PAPPA: variants seen among roughly 807,000 people sequenced by gnomAD.
PAPPA encodes the protein pappalysin-1.
A neutral mutation model predicts 164.0 loss-of-function variants in PAPPA; 60 were observed. That is an observed-to-expected ratio of 0.37 (90% confidence interval 0.30 to 0.45). PAPPA has a LOEUF of 0.45. Among genes scored for constraint, PAPPA ranks in the 20% least tolerant of loss-of-function variants. The pLI is 1.00. For missense variants in PAPPA, 1,782 were observed against 2,087.3 expected, an observed-to-expected ratio of 0.85 and a Z score of 2.85; for synonymous variants, 875 against 814.1, an observed-to-expected ratio of 1.07 and a Z score of -1.27.
rs1305833969 is a variant in PAPPA, at chr9:116,320,377, T to TCCAATG, written c.3148-10862_3148-10857dup. Among the ~76,000 whole-genome samples, 8 of 152,298 alleles carry TCCAATG rather than the reference T, an allele frequency of 5.3e-5. No homozygotes were observed. In the South Asian group the frequency reaches 1.0e-3, roughly 20 times the overall value. ...AGCTGAGCCCCAAGGCTGGAGGGCATCCAATGCCAAGTTATCTTATCAGAA... is the reference window on the plus strand; with the variant it reads ...AGCTGAGCCCCAAGGCTGGAGGGCATCCAATGCCAATGCCAAGTTATCTTATCAGAA... On this transcript the variant is annotated intron_variant, in intron 10 of 21. Transcript: ENST00000328252.
chr9:116,205,298 A>G (rs1844219575), intron 2 of PAPPA, among the ~76,000 whole-genome samples: 1 of 152,178 alleles, frequency 6.6e-6, no homozygotes, highest in Admixed American at 6.5e-5. Flanking sequence ...TTACCACTGA[A>G]TAAACAACCA....
chr9:116,268,931 T>C (rs1845105892), intron 8 of PAPPA, among the ~76,000 whole-genome samples: 1 of 152,122 alleles, frequency 6.6e-6, no homozygotes, highest in South Asian at 2.1e-4. Flanking sequence ...TGATGCAAGT[T>C]AATTTGCTCT....
chr9:116,382,319 G>A (rs545688463), intron 20 of PAPPA, 76 bp from the exon 21 acceptor site: 1 of 877,802 alleles, frequency 1.1e-6, no homozygotes, highest in East Asian at 2.4e-5. Flanking sequence ...GACACCCGAA[G>A]GACTGCAGAC....
At chr9:116,343,550 T>C (rs1270706417) in intron 13 of PAPPA, among the ~76,000 whole-genome samples, 1 of 152,142 alleles carries the variant, frequency 6.6e-6, no homozygotes, top group Non-Finnish European at 1.5e-5. Flanking sequence ...ATAGTCTCTG[T>C]ACAACTCCAC....
chr9:116,312,594 G>T (rs531748503), intron 10 of PAPPA, among the ~76,000 whole-genome samples: 1 of 152,200 alleles, frequency 6.6e-6, no homozygotes, highest in South Asian at 2.1e-4. Flanking sequence ...GTTAGAGTTT[G>T]GCTGTGCACA....
intron 9 of PAPPA, among the ~76,000 whole-genome samples, chr9:116,283,492 C>T (rs1307909893): frequency 6.6e-6 from 1 of 152,000 alleles, no homozygotes; most frequent in Non-Finnish European, 1.5e-5. Flanking sequence ...AGTTCTCATC[C>T]CATAGCAAGC....
In PAPPA at chr9:116,262,305, G is replaced by A. The variant is rs558795743; in HGVS notation, c.2733-3552G>A. On this transcript the variant is annotated intron_variant, in intron 7 of 21. Coordinates refer to ENST00000328252, the MANE Select transcript of PAPPA (RefSeq NM_002581.5). ...ATTAGCTACAAACATAAAATATTCA[G>A]ATGCAGACTTTATGATTTACTACTA... Among the ~76,000 whole-genome samples the A allele has an allele frequency of 1.6e-4, 24 of 151,938 alleles. No individual in the cohort carries two copies. In the South Asian group the frequency reaches 4.4e-3, roughly 28 times the overall value.
Position 116,288,462 on chromosome 9 carries a change from GCTCC to G in PAPPA, c.2954-14280_2954-14277del, listed in dbSNP as rs889014958. ...CCCTCCCTCCCTTCCTTCCTTCCTT[GCTCC>G]CTCCCTCCCTCCCTGCCTCCCTTTC... On this transcript the variant is annotated intron_variant, in intron 9 of 21. Transcript: ENST00000328252. Among the ~76,000 whole-genome samples the G allele has an allele frequency of 2.4e-4, 17 of 70,240 alleles. No homozygotes were observed. In the East Asian group the frequency reaches 3.4e-3, roughly 14 times the overall value. The allele number at this position is 70,240 out of a possible 152,430, so 46.1% of individuals were successfully genotyped here.
chr9:116,168,875 A>G (rs762902573), intron 1 of PAPPA, among the ~76,000 whole-genome samples: 12 of 152,102 alleles, frequency 7.9e-5, no homozygotes, highest in African/African-American at 9.7e-5. Flanking sequence ...TTTCTCCCCA[A>G]TTGTCTCTGA....
chr9:116,231,201 T>G (rs970433327), intron 6 of PAPPA, among the ~76,000 whole-genome samples: 1 of 152,236 alleles, frequency 6.6e-6, no homozygotes, highest in African/African-American at 2.4e-5. Context: ...GGACAGTTTA[T>G]ATAAACATGT....
chr9:116,177,849 T>C (rs894455323), intron 1 of PAPPA, among the ~76,000 whole-genome samples: 45 of 152,350 alleles, frequency 3.0e-4, no homozygotes, highest in Non-Finnish European at 3.4e-4. Flanking sequence ...GTGTACTTCT[T>C]TGACCCCATC....
At chr9:116,166,629 T>C (rs888231254) in intron 1 of PAPPA, among the ~76,000 whole-genome samples, 2 of 152,196 alleles carry the variant, frequency 1.3e-5, no homozygotes, top group Non-Finnish European at 2.9e-5. Flanking sequence ...GTAATAACAG[T>C]AATGAAAGCA....
At position 116,346,995 on chromosome 9, in the gene PAPPA, A is replaced by T. The variant is rs778824819; in HGVS notation, c.3781-31A>T. On this transcript the variant is annotated intron_variant, in intron 14 of 21. Coordinates refer to ENST00000328252, the MANE Select transcript of PAPPA (RefSeq NM_002581.5). ...CTCCACATCTAGAGCTCAGTCTGCC[A>T]CTCCTCACTATGCACGACTCTGCCT... 1.9e-6 allele frequency: 3 copies of T among 1,576,286 alleles called. No individual in the cohort carries two copies. The South Asian group carries it at 3.5e-5, about 18-fold the overall frequency.
At chr9:116,395,825 C>T (rs1338749868) in intron 21 of PAPPA, among the ~76,000 whole-genome samples, 1 of 152,200 alleles carries the variant, frequency 6.6e-6, no homozygotes, top group African/African-American at 2.4e-5. Flanking sequence ...GGTCTAGCTT[C>T]CCTGAGACAT....
At chr9:116,323,414 C>T (rs1845884177) in intron 10 of PAPPA, among the ~76,000 whole-genome samples, 1 of 152,188 alleles carries the variant, frequency 6.6e-6, no homozygotes, top group South Asian at 2.1e-4. Context: ...GGCTATGTTT[C>T]TCCATCCATC....
chr9:116,273,705 C>T (rs750874977), intron 9 of PAPPA, among the ~76,000 whole-genome samples: 43 of 151,990 alleles, frequency 2.8e-4, no homozygotes, highest in Non-Finnish European at 4.6e-4. Flanking sequence ...ACCCAGGAGA[C>T]GGAGGTTGCA....
intron 10 of PAPPA, among the ~76,000 whole-genome samples, chr9:116,315,874 G>A (rs1198339581): frequency 6.6e-6 from 1 of 152,220 alleles, no homozygotes; most frequent in Non-Finnish European, 1.5e-5. Context: ...AATTGATAAT[G>A]ATGAGTAGAG....
intron 2 of PAPPA, among the ~76,000 whole-genome samples, chr9:116,205,111 A>G (rs576041407): frequency 2.6e-4 from 39 of 148,384 alleles, no homozygotes; most frequent in African/African-American, 8.7e-4. Context: ...CCCCTAGGAG[A>G]GGTGGGGAAG....
intron 9 of PAPPA, among the ~76,000 whole-genome samples, chr9:116,278,893 A>C (rs1388121105): frequency 1.3e-5 from 2 of 152,212 alleles, no homozygotes; most frequent in African/African-American, 2.4e-5. Context: ...AGCACAATGC[A>C]CAGCAGTTAG....
Sources: allele counts gnomAD v4.1 joint callset (sites outside exome capture counted in the v4.1 genomes callset), GRCh38; gene constraint gnomAD v4.1.1; transcripts MANE v1.5; gene names NCBI Gene and HGNC (gene_info 2026-07-23, HGNC 2026-07-21).